The following LRP1B variants were observed in gnomAD, a reference collection of about 807,000 sequenced individuals.
The protein encoded by LRP1B is LDL receptor related protein 1B.
In LRP1B, 217 loss-of-function variants were observed where a neutral mutation model predicts 556.6. The ratio of observed to expected loss-of-function variants is 0.39; its 90% CI spans 0.35 to 0.44. The LOEUF is 0.44. LRP1B is among the 20% of genes least tolerant of loss of function. The pLI, the probability that LRP1B is intolerant of heterozygous loss-of-function variation, is 1.00. For missense variants in LRP1B, 5,053 were observed against 5,620.8 expected, an observed-to-expected ratio of 0.90 and a Z score of 3.23; for synonymous variants, 2,047 against 1,865.8, an observed-to-expected ratio of 1.10 and a Z score of -2.50.
intron 2 of LRP1B, among the ~76,000 whole-genome samples, chr2:141,627,474 C>G (rs752084017): frequency 4.6e-5 from 7 of 152,200 alleles, no homozygotes; most frequent in Non-Finnish European, 1.0e-4. Context: ...GGCCGCACAG[C>G]AGGAGATGAG....
intron 2 of LRP1B, among the ~76,000 whole-genome samples, chr2:141,630,277 AGAAT>A (rs1009800594): frequency 6.6e-6 from 1 of 152,216 alleles, no homozygotes; most frequent in Non-Finnish European, 1.5e-5. Flanking sequence ...AAAGGTAAAA[AGAAT>A]GAAACAGCTG....
intron 2 of LRP1B, among the ~76,000 whole-genome samples, chr2:141,519,783 G>T (rs141822217): frequency 1.1e-4 from 16 of 152,088 alleles, no homozygotes; most frequent in African/African-American, 3.1e-4. Flanking sequence ...GAAAAAAAGC[G>T]TTCTTTCTTG....
chr2:141,576,512 A>G (rs116616234), intron 2 of LRP1B, among the ~76,000 whole-genome samples: 2,011 of 152,232 alleles, frequency 0.013, 52 homozygotes, highest in African/African-American at 0.045. Flanking sequence ...GATCACCATG[A>G]CACATGTATA....
chr2:141,643,964 T>C (rs867010136), intron 2 of LRP1B, among the ~76,000 whole-genome samples: 2 of 151,688 alleles, frequency 1.3e-5, no homozygotes, highest in Non-Finnish European at 2.9e-5. Flanking sequence ...GAAAAACTCA[T>C]GGCACATGAT....
intron 6 of LRP1B, among the ~76,000 whole-genome samples, chr2:141,213,925 C>T (rs1682674125): frequency 6.6e-6 from 1 of 151,680 alleles, no homozygotes; most frequent in South Asian, 2.1e-4. Context: ...TGCACATCCT[C>T]CTATATATTT....
chr2:140,254,133 G>A (rs1202439932), intron 86 of LRP1B, among the ~76,000 whole-genome samples: 2 of 151,798 alleles, frequency 1.3e-5, no homozygotes, highest in Non-Finnish European at 2.9e-5. Context: ...ACAGGGTTAT[G>A]AGACTTGAAA....
At chr2:140,838,555 A>G (rs1691994283) in intron 31 of LRP1B, among the ~76,000 whole-genome samples, 1 of 152,164 alleles carries the variant, frequency 6.6e-6, no homozygotes, top group Non-Finnish European at 1.5e-5. Flanking sequence ...TTATTGAATC[A>G]TCACTATGAA....
Position 141,468,485 on chromosome 2 carries a change from C to T in LRP1B, c.343+11911G>A, listed in dbSNP as rs1397739068. 2.0e-5 allele frequency among the ~76,000 whole-genome samples: 3 copies of T among 152,242 alleles called. No homozygotes were observed. In the East Asian group the frequency reaches 5.8e-4, roughly 29 times the overall value. The stretch of plus-strand genomic sequence containing the variant: ...TCTATACACACAGTCTATATACACA[C>T]ATATATTTCTGTATACATTTATATA... On this transcript the variant is annotated intron_variant, in intron 3 of 90. Coordinates refer to ENST00000389484, the MANE Select transcript of LRP1B (RefSeq NM_018557.3).
chr2:141,104,556 T>C (rs1700557209), intron 7 of LRP1B, among the ~76,000 whole-genome samples: 1 of 152,110 alleles, frequency 6.6e-6, no homozygotes, highest in South Asian at 2.1e-4. Context: ...TCTTATTGTG[T>C]TTCCTCTTCT....
chr2:141,831,303 T>C (rs1368607459), intron 1 of LRP1B, among the ~76,000 whole-genome samples: 1 of 151,804 alleles, frequency 6.6e-6, no homozygotes, highest in Non-Finnish European at 1.5e-5. Flanking sequence ...AACTTGATTT[T>C]CAGATCTTTG....
chr2:140,859,090 G>T (rs1379063964), intron 27 of LRP1B, among the ~76,000 whole-genome samples: 1 of 152,088 alleles, frequency 6.6e-6, no homozygotes, highest in Non-Finnish European at 1.5e-5. Context: ...AAAGTGCTGG[G>T]TTTACCAGTG....
intron 18 of LRP1B, among the ~76,000 whole-genome samples, chr2:140,969,111 T>C (rs1276112646): frequency 6.6e-6 from 1 of 152,182 alleles, no homozygotes; most frequent in Non-Finnish European, 1.5e-5. Context: ...CGTTGATCTG[T>C]CTAATGTTAA....
At chr2:142,065,105 A>G (rs1023395480) in intron 1 of LRP1B, among the ~76,000 whole-genome samples, 25 of 151,680 alleles carry the variant, frequency 1.6e-4, no homozygotes, top group African/African-American at 6.0e-4. Flanking sequence ...TTTCATTACA[A>G]ATTTGACTTT....
chr2:140,648,454 T>C (rs1684562208), intron 41 of LRP1B, among the ~76,000 whole-genome samples: 2 of 152,026 alleles, frequency 1.3e-5, no homozygotes, highest in Non-Finnish European at 2.9e-5. Flanking sequence ...AAATTACACA[T>C]TGTTCTAAGT....
At chr2:141,007,364 T>C (rs1345788956) in intron 14 of LRP1B, among the ~76,000 whole-genome samples, 6 of 151,862 alleles carry the variant, frequency 4.0e-5, no homozygotes, top group African/African-American at 1.2e-4. Context: ...CATTTCATTA[T>C]CTTGAAAAAT....
chr2:141,416,233 T>C (rs1188127128), intron 3 of LRP1B, among the ~76,000 whole-genome samples: 1 of 152,162 alleles, frequency 6.6e-6, no homozygotes, highest in Non-Finnish European at 1.5e-5. Context: ...GTTAAGGCTC[T>C]AGATTACATG....
In LRP1B at chr2:141,282,507, G is replaced by GTATATC. The variant is rs1558979724; in HGVS notation, c.344-27867_344-27866insGATATA. ...TGTATATGTATATGTATATGTATAT[G>GTATATC]TATATGTATATCTATATAGGTTCAA... On this transcript the variant is annotated intron_variant, in intron 3 of 90. Transcript: ENST00000389484. 1.1e-4 allele frequency among the ~76,000 whole-genome samples: 17 copies of GTATATC among 150,810 alleles called. No homozygotes were observed. In the South Asian group the frequency reaches 2.7e-3, roughly 24 times the overall value.
chr2:141,653,974 T>A (rs1305988564), intron 2 of LRP1B, among the ~76,000 whole-genome samples: 1 of 152,216 alleles, frequency 6.6e-6, no homozygotes, highest in African/African-American at 2.4e-5. Flanking sequence ...ATTACAGAGT[T>A]GTTTTTGGAT....
chr2:141,115,099 A>T (rs1164444857), intron 7 of LRP1B, among the ~76,000 whole-genome samples: 1 of 152,080 alleles, frequency 6.6e-6, no homozygotes, highest in African/African-American at 2.4e-5. Flanking sequence ...TTGAAACAAA[A>T]TTATAGTATG....
Sources: gnomAD v4.1 joint callset for allele counts (sites outside exome capture counted in the v4.1 genomes callset) on GRCh38, gnomAD v4.1.1 for gene constraint, MANE v1.5 for transcripts, NCBI Gene and HGNC (gene_info 2026-07-23, HGNC 2026-07-21) for gene names.